Variants in ATXN7L1 observed in about 807,000 individuals in gnomAD.
ATXN7L1 encodes ataxin-7-like protein 1.
In ATXN7L1, 15 loss-of-function variants were observed where a neutral mutation model predicts 70.8. The ratio of observed to expected loss-of-function variants is 0.21; its 90% CI spans 0.14 to 0.33. The LOEUF is 0.33. ATXN7L1 is among the 10% of genes least tolerant of loss of function. The pLI is 1.00. For missense variants in ATXN7L1, 975 were observed against 1,097.1 expected, an observed-to-expected ratio of 0.89 and a Z score of 1.57; for synonymous variants, 440 against 445.1, an observed-to-expected ratio of 0.99 and a Z score of 0.14.
intron 2 of ATXN7L1, among the ~76,000 whole-genome samples, chr7:105,831,192 C>G (rs1303445670): frequency 1.3e-5 from 2 of 152,168 alleles, no homozygotes; most frequent in African/African-American, 4.8e-5. Context: ...CCTGCCTGAC[C>G]AATGCATGCC....
intron 4 of ATXN7L1, among the ~76,000 whole-genome samples, chr7:105,650,703 A>G (rs1460018258): frequency 1.3e-5 from 2 of 152,224 alleles, no homozygotes; most frequent in Non-Finnish European, 2.9e-5. Flanking sequence ...GACTTGGATG[A>G]TGGGCCAAGA....
chr7:105,762,550 C>T (rs988805160), intron 3 of ATXN7L1, among the ~76,000 whole-genome samples: 12 of 152,156 alleles, frequency 7.9e-5, no homozygotes, highest in Non-Finnish European at 1.3e-4. Flanking sequence ...TTTCTAATGC[C>T]CCTTCCCCTA....
intron 2 of ATXN7L1, among the ~76,000 whole-genome samples, chr7:105,805,657 C>CGGCAGAG (rs1257930619): frequency 6.6e-6 from 1 of 152,190 alleles, no homozygotes; most frequent in East Asian, 1.9e-4. Context: ...GCTCATGCTG[C>CGGCAGAG]GGCAGAGGGC....
intron 2 of ATXN7L1, among the ~76,000 whole-genome samples, chr7:105,825,672 T>C (rs573507568): frequency 6.6e-6 from 1 of 151,876 alleles, no homozygotes; most frequent in Non-Finnish European, 1.5e-5. Context: ...GTGAACAGTA[T>C]AGATGCCTCT....
intron 2 of ATXN7L1, among the ~76,000 whole-genome samples, chr7:105,851,318 C>T (rs1223464869): frequency 6.6e-6 from 1 of 152,236 alleles, no homozygotes; most frequent in Non-Finnish European, 1.5e-5. Flanking sequence ...TAAGGTCTGA[C>T]TGCAAAGCTA....
At position 105,876,429 on chromosome 7, in the gene ATXN7L1, C is replaced by G; in HGVS notation, c.130G>C (p.Gly44Arg). 6.2e-7 allele frequency: 1 copy of G among 1,613,102 alleles called. No homozygotes were observed. Among genetic ancestry groups the G allele is most frequent in the Non-Finnish European group, 8.5e-7 (1 of 1,179,554 alleles). ...RKVPSPEAFLGKPWSSWIDAA... is the reference protein window; with the variant it reads ...RKVPSPEAFLRKPWSSWIDAA... ...TCGATCCAGGAGGACCAGGGTTTGC[C>G]CAGAAACGCCTCCGGACTGGGCACT... is the stretch of plus-strand genomic sequence containing the variant. Residue 44 changes from glycine (G) to arginine (R), a missense_variant, in exon 1 of 12, where the codon GGC becomes CGC. Gly to Arg is a moderately radical substitution (Grantham distance 125, BLOSUM62 -2). Around this residue, in one of 5 missense-constraint regions of ATXN7L1, gnomAD observed 135 missense variants for 132.6 expected, o/e 1.02. Coordinates refer to ENST00000419735, the MANE Select transcript of ATXN7L1 (RefSeq NM_020725.2).
intron 6 of ATXN7L1, among the ~76,000 whole-genome samples, chr7:105,638,849 C>G (rs1390437398): frequency 6.6e-6 from 1 of 152,068 alleles, no homozygotes; most frequent in African/African-American, 2.4e-5. Flanking sequence ...CATAGGATGA[C>G]GAGCTTCAGC....
At chr7:105,641,051 T>A (rs1001053171) in intron 5 of ATXN7L1, among the ~76,000 whole-genome samples, 3 of 152,174 alleles carry the variant, frequency 2.0e-5, no homozygotes, top group African/African-American at 7.2e-5. Flanking sequence ...GAATGTATTC[T>A]ATTTTCAAAA....
chr7:105,813,600 G>C lies in ATXN7L1; in HGVS notation c.251-24892C>G, dbSNP rs563122668. ...GATCCACCCGCCTCGGCCTCTCAAA[G>C]TGCTGGGATTACAGGCATGAGCCAC... On this transcript the variant is annotated intron_variant, in intron 2 of 11. Transcript: ENST00000419735. Among the ~76,000 whole-genome samples the C allele has an allele frequency of 2.6e-3, 391 of 152,242 alleles. 3 individuals carry two copies. Among genetic ancestry groups the C allele is most frequent in the African/African-American group, 9.0e-3 (373 of 41,538 alleles).
chr7:105,699,610 C>T (rs990442618), intron 3 of ATXN7L1, among the ~76,000 whole-genome samples: 1 of 152,182 alleles, frequency 6.6e-6, no homozygotes, highest in Non-Finnish European at 1.5e-5. Flanking sequence ...TTTTACAGTG[C>T]AACCTAGTAT....
chr7:105,794,246 T>C (rs537331405), intron 2 of ATXN7L1, among the ~76,000 whole-genome samples: 501 of 152,268 alleles, frequency 3.3e-3, no homozygotes, highest in African/African-American at 0.012. Context: ...TTTAAAGTGG[T>C]CTGAGCTGGT....
At chr7:105,862,585 G>A (rs1410492053) in intron 2 of ATXN7L1, among the ~76,000 whole-genome samples, 2 of 152,140 alleles carry the variant, frequency 1.3e-5, no homozygotes, top group Admixed American at 1.3e-4. Flanking sequence ...CCAGCTGGTA[G>A]ACAATGGGGT....
At chr7:105,623,823 A>G (rs1795278758) in intron 8 of ATXN7L1, among the ~76,000 whole-genome samples, 1 of 152,080 alleles carries the variant, frequency 6.6e-6, no homozygotes, top group African/African-American at 2.4e-5. Context: ...GGGATTATCC[A>G]TTTTTTCCCC....
intron 4 of ATXN7L1, among the ~76,000 whole-genome samples, chr7:105,649,842 G>T (rs537963869): frequency 2.6e-4 from 39 of 152,294 alleles, no homozygotes; most frequent in African/African-American, 9.1e-4. Context: ...TGTGTGTGAT[G>T]AGAGTTCTCA....
intron 2 of ATXN7L1, among the ~76,000 whole-genome samples, chr7:105,826,941 T>TA (rs1810955778): frequency 6.6e-6 from 1 of 152,222 alleles, no homozygotes; most frequent in South Asian, 2.1e-4. Flanking sequence ...GAAGAGCTGA[T>TA]ACGGTTTGCC....
chr7:105,749,309 G>T (rs1354632606), intron 3 of ATXN7L1, among the ~76,000 whole-genome samples: 1 of 151,892 alleles, frequency 6.6e-6, no homozygotes, highest in African/African-American at 2.4e-5. Context: ...TCATCATACT[G>T]CAAGTCAAAC....
intron 3 of ATXN7L1, among the ~76,000 whole-genome samples, chr7:105,683,110 C>T (rs1287459093): frequency 2.0e-5 from 3 of 152,178 alleles, no homozygotes; most frequent in African/African-American, 7.2e-5. Flanking sequence ...CAGGATACAG[C>T]AAACAGGCAC....
chr7:105,844,418 G>C (rs1355399544), intron 2 of ATXN7L1, among the ~76,000 whole-genome samples: 2 of 152,116 alleles, frequency 1.3e-5, no homozygotes, highest in East Asian at 3.8e-4. Context: ...ATGCAAGAGT[G>C]GTTCAACATA....
At chr7:105,693,172 A>G (rs1430722439) in intron 3 of ATXN7L1, among the ~76,000 whole-genome samples, 1 of 152,070 alleles carries the variant, frequency 6.6e-6, no homozygotes, top group East Asian at 1.9e-4. Context: ...CTGGGTGTGG[A>G]CGTAAGAGTG....
Sources: gnomAD v4.1 joint callset for allele counts (sites outside exome capture counted in the v4.1 genomes callset) on GRCh38, gnomAD v4.1.1 for gene constraint, gnomAD v4.1.1 regional missense constraint, MANE v1.5 for transcripts, NCBI Gene and HGNC (gene_info 2026-07-23, HGNC 2026-07-21) for gene names.